YAF2: variants seen among roughly 807,000 people sequenced by gnomAD.
The protein encoded by YAF2 is YY1 associated factor 2.
In YAF2, 7 loss-of-function variants were observed where a neutral mutation model predicts 20.1. The observed-to-expected ratio is 0.35, with a 90% CI of 0.20 to 0.65. YAF2 has a LOEUF of 0.65. YAF2 is among the 30% of genes least tolerant of loss of function. The pLI is 0.69. For missense variants in YAF2, 151 were observed against 219.2 expected, an observed-to-expected ratio of 0.69 and a Z score of 1.96; for synonymous variants, 74 against 76.0, an observed-to-expected ratio of 0.97 and a Z score of 0.14.
At chr12:42,171,206 G>C (rs891025533) in intron 2 of YAF2, among the ~76,000 whole-genome samples, 6 of 152,298 alleles carry the variant, frequency 3.9e-5, no homozygotes, top group Admixed American at 3.9e-4. Flanking sequence ...TGCCCAGGCT[G>C]GTCTCAACTC....
intron 2 of YAF2, among the ~76,000 whole-genome samples, chr12:42,195,355 A>T (rs565902409): frequency 3.9e-4 from 60 of 152,342 alleles, no homozygotes; most frequent in African/African-American, 1.4e-3. Flanking sequence ...GTGGCATTAA[A>T]CATAACTTCA....
chr12:42,170,677 C>T (rs1196591574), intron 2 of YAF2, among the ~76,000 whole-genome samples: 1 of 150,772 alleles, frequency 6.6e-6, no homozygotes, highest in East Asian at 1.9e-4. Flanking sequence ...AAAAACTATA[C>T]ACACACACAC....
At chr12:42,170,533 G>A (rs1347516659) in intron 2 of YAF2, among the ~76,000 whole-genome samples, 4 of 152,226 alleles carry the variant, frequency 2.6e-5, no homozygotes. Flanking sequence ...CTTGTGGCCA[G>A]ATGCGGTGGC....
rs1376250179 is a variant in YAF2, at chr12:42,218,186, ACACACACACACACAC to A, written c.152+19398_152+19412del. 7.5e-4 allele frequency among the ~76,000 whole-genome samples: 4 copies of A among 5,334 alleles called. No individual in the cohort carries two copies. In the East Asian group the frequency reaches 0.022, roughly 30 times the overall value. 3.5% of individuals were successfully genotyped at this position (5,334 alleles called of 152,430 possible). A position where few individuals can be genotyped will look rare whatever the true frequency, so the allele number is the denominator to read the frequency against. On this transcript the variant is annotated intron_variant, in intron 2 of 3. Coordinates refer to ENST00000534854, the MANE Select transcript of YAF2 (RefSeq NM_005748.6). ...ACAGTCTACATCAGGCTACTAGGAA[ACACACACACACACAC>A]ACACACACACACACACACACACACA...
At chr12:42,167,545 G>T (rs915629127) in intron 2 of YAF2, among the ~76,000 whole-genome samples, 2 of 151,830 alleles carry the variant, frequency 1.3e-5, no homozygotes, top group African/African-American at 4.8e-5. Context: ...ACTAAAATTG[G>T]GTCCAACTTA....
At chr12:42,221,116 T>C (rs2067498271) in intron 2 of YAF2, among the ~76,000 whole-genome samples, 1 of 152,206 alleles carries the variant, frequency 6.6e-6, no homozygotes, top group African/African-American at 2.4e-5. Flanking sequence ...TTTTTAACAT[T>C]TAGTTCTTAA....
Position 42,175,512 on chromosome 12 carries a change from TTATTG to T in YAF2, c.153-13752_153-13748del, listed in dbSNP as rs1385780912. ...ACATATTGCATGTTTTATGTGTGGTTTATTGTATGTCAATTATACCTCAAAAAAAA... is the reference window on the plus strand; with the variant it reads ...ACATATTGCATGTTTTATGTGTGGTTTATGTCAATTATACCTCAAAAAAAA... On this transcript the variant is annotated intron_variant, in intron 2 of 3. Transcript: ENST00000534854. 5.8e-5 allele frequency among the ~76,000 whole-genome samples: 8 copies of T among 138,282 alleles called. No homozygotes were observed. The South Asian group carries it at 2.0e-3, about 34-fold the overall frequency. The allele number at this position is 138,282 out of a possible 152,430, so 90.7% of individuals were successfully genotyped here.
chr12:42,232,488 C>T lies in YAF2; in HGVS notation c.152+5111G>A, dbSNP rs1176248981. ...CCATATACAATTAACCAGTGTGAGT[C>T]CTCTTACAGGACAAAAAACAAACAA... is the stretch of plus-strand genomic sequence containing the variant. On this transcript the variant is annotated intron_variant, in intron 2 of 3. Transcript: ENST00000534854. The T allele has an allele frequency of 3.0e-6, 3 of 985,200 alleles. No individual in the cohort carries two copies. The African/African-American group carries it at 5.2e-5, about 17-fold the overall frequency. The allele number at this position is 985,200 out of a possible 1,614,324, so 61.0% of individuals were successfully genotyped here.
chr12:42,223,784 C>G (rs775747236), intron 2 of YAF2, among the ~76,000 whole-genome samples: 1 of 149,586 alleles, frequency 6.7e-6, no homozygotes, highest in Non-Finnish European at 1.5e-5. Context: ...AACAGAAAAC[C>G]TAACACCGCA....
intron 2 of YAF2, among the ~76,000 whole-genome samples, chr12:42,220,265 C>T (rs1316354882): frequency 1.3e-5 from 2 of 152,186 alleles, no homozygotes; most frequent in African/African-American, 2.4e-5. Flanking sequence ...TATCTTCCTC[C>T]TTATACTTCC....
chr12:42,230,315 A>G (rs73283703), intron 2 of YAF2, among the ~76,000 whole-genome samples: 3,957 of 152,210 alleles, frequency 0.026, 102 homozygotes, highest in African/African-American at 0.063. Context: ...AGAAAGAAAA[A>G]GTACCATATG....
chr12:42,237,434 G>A (rs2068204569), intron 2 of YAF2, 165 bp downstream of exon 2: 10 of 1,297,830 alleles, frequency 7.7e-6, no homozygotes, highest in South Asian at 2.0e-5. Flanking sequence ...GCAAACCATC[G>A]CCTGGGTTGC....
chr12:42,201,781 A>C (rs1191457651), intron 2 of YAF2, among the ~76,000 whole-genome samples: 1 of 152,180 alleles, frequency 6.6e-6, no homozygotes, highest in African/African-American at 2.4e-5. Flanking sequence ...CATGTTGATC[A>C]GGCTGGTCTT....
chr12:42,234,883 G>A (rs777233919), intron 2 of YAF2: 153 of 749,224 alleles, frequency 2.0e-4, no homozygotes, highest in Non-Finnish European at 2.4e-4. Flanking sequence ...AGCTACTTGG[G>A]AGGCTGAGGT....
In YAF2 at chr12:42,159,627, C is replaced by T. The variant is rs988707530; in HGVS notation, c.*962G>A. 2 of 151,846 alleles carry T rather than the reference C, an allele frequency of 1.3e-5. No homozygotes were observed. Among genetic ancestry groups the T allele is most frequent in the East Asian group, 3.9e-4 (2 of 5,172 alleles). The allele number at this position is 151,846 out of a possible 1,614,324, so 9.4% of individuals were successfully genotyped here. A position where few individuals can be genotyped will look rare whatever the true frequency, so the allele number is the denominator to read the frequency against. On this transcript the variant is annotated 3_prime_UTR_variant, in exon 4 of 4. Coordinates refer to ENST00000534854, the MANE Select transcript of YAF2 (RefSeq NM_005748.6). ...TGACTGATTTAAAATTAGTTATTTC[C>T]CATTTCTGTGCAATAATTCCCATTT...
At chr12:42,233,217 T>A (rs957702897) in intron 2 of YAF2, 2 of 985,258 alleles carry the variant, frequency 2.0e-6, no homozygotes, top group African/African-American at 3.5e-5. Context: ...CTCTCTAAAA[T>A]AACACCTATG....
At chr12:42,224,802 G>A (rs891975929) in intron 2 of YAF2, among the ~76,000 whole-genome samples, 3 of 152,178 alleles carry the variant, frequency 2.0e-5, no homozygotes, top group African/African-American at 7.2e-5. Context: ...TTGGTTCCAA[G>A]TCTTTGCTTT....
chr12:42,232,633 T>A, intron 2 of YAF2: 1 of 985,448 alleles, frequency 1.0e-6, no homozygotes, highest in Non-Finnish European at 1.2e-6. Flanking sequence ...CTTATGTAGA[T>A]GGTCCTCAAT....
At chr12:42,177,760 C>G (rs979382675) in intron 2 of YAF2, among the ~76,000 whole-genome samples, 1 of 152,150 alleles carries the variant, frequency 6.6e-6, no homozygotes, top group African/African-American at 2.4e-5. Context: ...GTTCAAACGC[C>G]AAATGTCAGA....
Sources: gnomAD v4.1 joint callset for allele counts (sites outside exome capture counted in the v4.1 genomes callset) on GRCh38, gnomAD v4.1.1 for gene constraint, MANE v1.5 for transcripts, NCBI Gene and HGNC (gene_info 2026-07-23, HGNC 2026-07-21) for gene names.